The following ERC2 variants were observed in gnomAD, a reference collection of about 807,000 sequenced individuals.
The protein encoded by ERC2 is ELKS/RAB6-interacting/CAST family member 2, also known as ERC protein 2.
In ERC2, 42 loss-of-function variants were observed where a neutral mutation model predicts 114.8. The ratio of observed to expected loss-of-function variants is 0.37; its 90% CI spans 0.29 to 0.47. The LOEUF is 0.47. Among genes scored for constraint, ERC2 ranks in the 20% least tolerant of loss-of-function variants. ERC2 has a pLI of 0.99. For missense variants in ERC2, 939 were observed against 1,150.7 expected (o/e 0.82, Z 2.66); for synonymous variants, 454 against 425.5 (o/e 1.07, Z -0.82).
rs920200037 is a variant in ERC2 at position 55,806,495 on chromosome 3, G to C, written c.2565-71577C>G. Among the ~76,000 whole-genome samples the C allele has an allele frequency of 2.1e-4, 32 of 152,114 alleles. 1 individual carries two copies. The highest frequency in any genetic ancestry group is 7.4e-5 in the Non-Finnish European group (5 of 68,016). ...TGAAGCAGAGGAATCATAGATTCCAGAGGTCTAAGCAAAACTCAGAAGCAA... is the reference window on the plus strand; with the variant it reads ...TGAAGCAGAGGAATCATAGATTCCACAGGTCTAAGCAAAACTCAGAAGCAA... On this transcript the variant is annotated intron_variant, in intron 14 of 17. Transcript: ENST00000288221.
At chr3:55,626,205 T>C (rs1292892025) in intron 17 of ERC2, among the ~76,000 whole-genome samples, 1 of 152,198 alleles carries the variant, frequency 6.6e-6, no homozygotes, top group African/African-American at 2.4e-5. Flanking sequence ...CTGTCCTTGA[T>C]GGCCCTGAGC....
chr3:56,301,791 T>C (rs2055896794), intron 2 of ERC2, among the ~76,000 whole-genome samples: 4 of 152,126 alleles, frequency 2.6e-5, no homozygotes, highest in Admixed American at 6.6e-5. Context: ...ATAAGAGAAA[T>C]AATCCATAGA....
intron 12 of ERC2, among the ~76,000 whole-genome samples, chr3:55,952,637 T>C (rs1470033751): frequency 3.9e-5 from 6 of 152,162 alleles, no homozygotes; most frequent in African/African-American, 7.2e-5. Flanking sequence ...AATTAGAGGG[T>C]ACTTTTAAAA....
At chr3:56,336,741 G>A (rs2057869129) in intron 2 of ERC2, among the ~76,000 whole-genome samples, 1 of 152,144 alleles carries the variant, frequency 6.6e-6, no homozygotes, top group Admixed American at 6.5e-5. Flanking sequence ...AAGTTGCAGT[G>A]AGCCAAGATC....
intron 6 of ERC2, among the ~76,000 whole-genome samples, chr3:56,083,402 G>A (rs2077341972): frequency 6.6e-6 from 1 of 152,144 alleles, no homozygotes; most frequent in African/African-American, 2.4e-5. Context: ...GTGGAAGCTG[G>A]GAAGGGCTGA....
intron 17 of ERC2, among the ~76,000 whole-genome samples, chr3:55,514,358 C>T (rs375368977): frequency 6.6e-6 from 1 of 152,260 alleles, no homozygotes. Context: ...GATTGTGCCA[C>T]TCCAGCCTGC....
chr3:55,585,142 T>C (rs1319834574), intron 17 of ERC2, among the ~76,000 whole-genome samples: 1 of 152,200 alleles, frequency 6.6e-6, no homozygotes, highest in Non-Finnish European at 1.5e-5. Flanking sequence ...ATTCAAACAG[T>C]GCCATCCATT....
intron 11 of ERC2, among the ~76,000 whole-genome samples, chr3:55,990,472 A>T (rs1262396291): frequency 6.6e-6 from 1 of 152,142 alleles, no homozygotes; most frequent in African/African-American, 2.4e-5. Context: ...TCTTGACCCC[A>T]GGCTGGAGTG....
chr3:56,145,286 G>A (rs1367561160), intron 5 of ERC2, among the ~76,000 whole-genome samples: 2 of 152,140 alleles, frequency 1.3e-5, no homozygotes, highest in Admixed American at 6.6e-5. Flanking sequence ...CAGCAGATCG[G>A]CATCTTTGGC....
intron 3 of ERC2, among the ~76,000 whole-genome samples, chr3:56,221,394 C>A (rs1486672530): frequency 3.0e-4 from 41 of 135,224 alleles, no homozygotes; most frequent in Non-Finnish European, 3.3e-4. Flanking sequence ...GTCATCTCAC[C>A]AAAAAAAAAA....
intron 6 of ERC2, among the ~76,000 whole-genome samples, chr3:56,129,592 C>T (rs2080084663): frequency 6.6e-6 from 1 of 152,118 alleles, no homozygotes; most frequent in African/African-American, 2.4e-5. Flanking sequence ...GACAGAAATA[C>T]ATTCTTTTTC....
intron 13 of ERC2, among the ~76,000 whole-genome samples, chr3:55,942,815 T>C (rs1465041361): frequency 6.6e-6 from 1 of 152,236 alleles, no homozygotes; most frequent in Non-Finnish European, 1.5e-5. Context: ...TTTTGCAAGA[T>C]TTCCATCTAA....
chr3:55,916,469 G>A lies in ERC2; in HGVS notation c.2404-27920C>T, dbSNP rs142204565. 2.6e-3 allele frequency among the ~76,000 whole-genome samples: 402 copies of A among 152,266 alleles called. 2 individuals carry two copies. Among genetic ancestry groups the A allele is most frequent in the Admixed American group, 4.1e-3 (62 of 15,286 alleles). On this transcript the variant is annotated intron_variant, in intron 13 of 17. Transcript: ENST00000288221. ...ATCACATAGAACCTAGAATATGCAA[G>A]CAGAGAAGTAAAAATGCTTCTTCGT...
intron 17 of ERC2, among the ~76,000 whole-genome samples, chr3:55,625,798 A>G (rs1365355568): frequency 6.6e-6 from 1 of 152,218 alleles, no homozygotes; most frequent in Non-Finnish European, 1.5e-5. Context: ...ACATTGTACC[A>G]GTGATTACCT....
intron 2 of ERC2, among the ~76,000 whole-genome samples, chr3:56,409,114 T>G (rs756028216): frequency 4.6e-5 from 7 of 152,214 alleles, no homozygotes; most frequent in African/African-American, 1.7e-4. Flanking sequence ...GCTCGCTCAC[T>G]GGGCCAGAGG....
intron 14 of ERC2, among the ~76,000 whole-genome samples, chr3:55,810,127 A>G (rs2059658011): frequency 6.6e-6 from 1 of 152,178 alleles, no homozygotes; most frequent in East Asian, 1.9e-4. Flanking sequence ...CATTCATGAA[A>G]ACATTTTCAT....
chr3:55,601,426 A>G (rs944295205), intron 17 of ERC2, among the ~76,000 whole-genome samples: 1 of 152,220 alleles, frequency 6.6e-6, no homozygotes, highest in East Asian at 1.9e-4. Context: ...CCAAATGACT[A>G]TCTTCATTAA....
intron 12 of ERC2, among the ~76,000 whole-genome samples, chr3:55,982,140 G>T (rs1276877377): frequency 6.6e-6 from 1 of 152,156 alleles, no homozygotes; most frequent in South Asian, 2.1e-4. Context: ...TGCACAGCTG[G>T]CAGGACAGTT....
At chr3:55,929,478 C>T (rs1451245251) in intron 13 of ERC2, among the ~76,000 whole-genome samples, 3 of 152,158 alleles carry the variant, frequency 2.0e-5, no homozygotes, top group African/African-American at 7.2e-5. Flanking sequence ...CTTGCATGCC[C>T]ACTTTTATTT....
Sources: gnomAD v4.1 joint callset for allele counts (sites outside exome capture counted in the v4.1 genomes callset) on GRCh38, gnomAD v4.1.1 for gene constraint, MANE v1.5 for transcripts, NCBI Gene and HGNC (gene_info 2026-07-23, HGNC 2026-07-21) for gene names.